The following TAF1 variants were observed in gnomAD, a reference collection of about 807,000 sequenced individuals.
TAF1 encodes transcription initiation factor TFIID subunit 1.
In TAF1, 2 loss-of-function variants were observed where a neutral mutation model predicts 138.5. The ratio of observed to expected loss-of-function variants is 0.01; its 90% CI spans 0.01 to 0.05. TAF1 has a LOEUF of 0.05. TAF1 is among the 10% of genes least tolerant of loss of function. TAF1 has a pLI of 1.00. For missense variants in TAF1, 709 were observed against 1,478.0 expected (o/e 0.48, Z 8.53); for synonymous variants, 437 against 503.2 (o/e 0.87, Z 1.76).
At chrX:71,514,733 G>C (rs2039796232) in intron 13 of TAF1, among the ~76,000 whole-genome samples, 1 of 111,765 alleles carries the variant, frequency 8.9e-6, no homozygotes, top group African/African-American at 3.3e-5. Flanking sequence ...GGAATTAAGA[G>C]TCGGGAGGGA....
chrX:71,407,278 T>TG (rs1367169544), intron 26 of TAF1, among the ~76,000 whole-genome samples: 1 of 96,992 alleles, frequency 1.0e-5, no homozygotes, highest in Non-Finnish European at 2.0e-5. Context: ...AGTGCAATGG[T>TG]GTGATCTTGG....
chrX:71,390,363 T>C (rs1391601986), intron 18 of TAF1, among the ~76,000 whole-genome samples: 1 of 111,949 alleles, frequency 8.9e-6, no homozygotes, highest in African/African-American at 3.2e-5. Flanking sequence ...TTTTCAGTTA[T>C]GTCTTCTACT....
intron 28 of TAF1, among the ~76,000 whole-genome samples, chrX:71,411,274 G>T (rs1328172227): frequency 1.8e-5 from 2 of 110,984 alleles, no homozygotes; most frequent in African/African-American, 6.6e-5. Flanking sequence ...TAGAGACAGG[G>T]TTTCACCATG....
At chrX:71,527,487 G>A (rs1388603213) in intron 13 of TAF1, among the ~76,000 whole-genome samples, 3 of 111,314 alleles carry the variant, frequency 2.7e-5, no homozygotes, top group African/African-American at 9.8e-5. Flanking sequence ...AAATCATAGT[G>A]GACAGCAGCA....
chrX:71,440,543 G>A (rs773799432), intron 32 of TAF1, among the ~76,000 whole-genome samples: 1 of 107,249 alleles, frequency 9.3e-6, no homozygotes, highest in African/African-American at 3.4e-5. Context: ...AAAATGTACT[G>A]GCATTGTAAT....
At chrX:71,458,042 A>C (rs763536909) in intron 34 of TAF1, among the ~76,000 whole-genome samples, 199 bp from the exon 35 acceptor site, 3 of 112,873 alleles carry the variant, frequency 2.7e-5, no homozygotes, top group Admixed American at 9.4e-5. Flanking sequence ...GATTACGTGC[A>C]TCAGGCACCT....
chrX:71,382,563 C>T lies in TAF1; in HGVS notation c.1565C>T (p.Thr522Ile), dbSNP rs1301034059. 29 of 1,207,836 alleles carry T rather than the reference C, an allele frequency of 2.4e-5. No homozygotes were observed. Among genetic ancestry groups the T allele is most frequent in the Non-Finnish European group, 2.9e-5 (26 of 894,800 alleles). ...ATTCCTGATGAGAAGGAAGAGGCCA[C>T]CTCTAACTCCCCCTCCAAGGAGAGT... ...LEIPDEKEEATSNSPSKESKK... is the reference protein window; with the variant it reads ...LEIPDEKEEAISNSPSKESKK... Residue 522 changes from threonine (T) to isoleucine (I), a missense_variant, in exon 10 of 38, where the codon ACC (threonine) becomes ATC (isoleucine). Transcript: ENST00000423759.
chrX:71,514,701 A>G (rs1258445294), intron 13 of TAF1, among the ~76,000 whole-genome samples: 1 of 111,587 alleles, frequency 9.0e-6, no homozygotes, highest in Non-Finnish European at 1.9e-5. Flanking sequence ...ATAGACAATG[A>G]GATCCCCTCG....
chrX:71,377,689 C>T lies in TAF1; in HGVS notation c.801C>T (p.His267=), dbSNP rs1169035873. 8 of 1,209,514 alleles carry T rather than the reference C, an allele frequency of 6.6e-6. No individual in the cohort carries two copies. The highest frequency in any genetic ancestry group is 6.7e-6 in the Non-Finnish European group (6 of 895,260). Residue 267 remains histidine, a synonymous_variant, in exon 6 of 38, where the codon CAC becomes CAT. Coordinates refer to ENST00000423759, the MANE Select transcript of TAF1 (RefSeq NM_004606.5). ...RSARRKRKKK[H]RELIQEEQIQ... ...CTCGGAGAAAGAGGAAGAAGAAGCA[C>T]CGTGAGCTGATACAGGAAGAGCAGA...
At chrX:71,367,247 A>G (rs917720158) in intron 1 of TAF1, among the ~76,000 whole-genome samples, 1 of 108,644 alleles carries the variant, frequency 9.2e-6, no homozygotes, top group African/African-American at 3.6e-5. Flanking sequence ...TAGTTATTTG[A>G]TTCGTCTTCT....
At chrX:71,372,428 G>A (rs2033127977) in intron 3 of TAF1, among the ~76,000 whole-genome samples, 1 of 41,154 alleles carries the variant, frequency 2.4e-5, no homozygotes, top group Non-Finnish European at 3.9e-5. Flanking sequence ...GTGAAACTCT[G>A]CCTCAAAAAA....
intron 29 of TAF1, 86 bp downstream of exon 29, chrX:71,421,462 A>G: frequency 1.2e-6 from 1 of 818,916 alleles, no homozygotes; most frequent in Non-Finnish European, 1.8e-6. Flanking sequence ...AATTTAACAG[A>G]AGGAAAAATA....
At position 71,465,549 on chromosome X, in the gene TAF1, G is replaced by C. The variant is rs1005034277; in HGVS notation, c.*1503G>C. On this transcript the variant is annotated 3_prime_UTR_variant, in exon 38 of 38. Transcript: ENST00000423759. ...AGGATTTAATGTGGTTTATATTCCA[G>C]TCCTTTAATGCTGGAAGGGCTGAGA... The C allele has an allele frequency of 2.7e-5, 3 of 111,807 alleles. No homozygotes were observed. Among genetic ancestry groups the C allele is most frequent in the Non-Finnish European group, 5.6e-5 (3 of 53,226 alleles). The allele number at this position is 111,807 out of a possible 1,213,427, so 9.2% of individuals were successfully genotyped here. A position where few individuals can be genotyped will look rare whatever the true frequency, so the allele number is the denominator to read the frequency against.
intron 32 of TAF1, among the ~76,000 whole-genome samples, chrX:71,446,019 T>G (rs1450645990): frequency 9.2e-6 from 1 of 109,223 alleles, no homozygotes; most frequent in East Asian, 2.9e-4. Flanking sequence ...GAAGCAATTC[T>G]TGTGCCTCAG....
intron 26 of TAF1, among the ~76,000 whole-genome samples, chrX:71,407,020 A>G (rs188286849): frequency 1.1e-4 from 12 of 107,321 alleles, no homozygotes; most frequent in African/African-American, 2.7e-4. Flanking sequence ...GGTTCAAGCA[A>G]TTCTCCTGCC....
At chrX:71,492,561 C>T (rs183597120) in intron 13 of TAF1, 152 of 125,459 alleles carry the variant, frequency 1.2e-3, no homozygotes, top group Non-Finnish European at 2.1e-3. Context: ...AACGGCTCCA[C>T]GTGGCTGTCT....
Position 71,378,712 on chromosome X carries a change from C to A in TAF1, c.1153-112C>A, listed in dbSNP as rs781536659. On this transcript the variant is annotated intron_variant, in intron 7 of 37. Coordinates refer to ENST00000423759, the MANE Select transcript of TAF1 (RefSeq NM_004606.5). The stretch of plus-strand genomic sequence containing the variant: ...TTCCTCCGTTATCAGGTGGTTGTTT[C>A]AAGTAAAGGACCACTTACAATGTGT... 54 of 851,790 alleles carry A rather than the reference C, an allele frequency of 6.3e-5. No homozygotes were observed. In the African/African-American group the frequency reaches 9.5e-4, roughly 15 times the overall value. 70.2% of individuals were successfully genotyped at this position (851,790 alleles called of 1,213,427 possible).
intron 13 of TAF1, among the ~76,000 whole-genome samples, chrX:71,481,589 G>A (rs1459502458): frequency 4.5e-5 from 5 of 110,855 alleles, no homozygotes; most frequent in Admixed American, 9.6e-5. Flanking sequence ...ACAGAGTCTC[G>A]CTCTGTTGCC....
chrX:71,366,520 G>GGGGGGGGC, intron 1 of TAF1, 26 bp downstream of exon 1: 2 of 417,683 alleles, frequency 4.8e-6, no homozygotes, highest in Non-Finnish European at 7.4e-6. Flanking sequence ...TGGGGGTAGG[G>GGGGGGGGC]CTCGGGGGGT....
Sources: allele counts gnomAD v4.1 joint callset (sites outside exome capture counted in the v4.1 genomes callset), GRCh38; gene constraint gnomAD v4.1.1; transcripts MANE v1.5; gene names NCBI Gene and HGNC (gene_info 2026-07-23, HGNC 2026-07-21).